The following MRTFA variants were observed in gnomAD, a reference collection of about 807,000 sequenced individuals.
MRTFA encodes the protein myocardin-related transcription factor A.
A neutral mutation model predicts 83.5 loss-of-function variants in MRTFA; 20 were observed. That is an observed-to-expected ratio of 0.24 (90% CI 0.17 to 0.35). The LOEUF (loss-of-function observed/expected upper bound fraction) is 0.35. Ranked by LOEUF, MRTFA falls within the 10% of genes least tolerant of loss-of-function variation. The pLI is 1.00. For missense variants in MRTFA, 1,200 were observed against 1,224.7 expected (o/e 0.98, Z 0.30); for synonymous variants, 659 against 541.2 (o/e 1.22, Z -3.02).
intron 3 of MRTFA, among the ~76,000 whole-genome samples, chr22:40,540,261 G>C (rs1044082735): frequency 1.2e-4 from 19 of 152,122 alleles, no homozygotes; most frequent in Non-Finnish European, 2.8e-4. Context: ...GTGTGTACTT[G>C]AGCACTGTGC....
intron 1 of MRTFA, among the ~76,000 whole-genome samples, chr22:40,631,573 T>C (rs1004575648): frequency 1.1e-4 from 16 of 152,336 alleles, no homozygotes; most frequent in South Asian, 8.3e-4. Flanking sequence ...TAACTACTTA[T>C]GCTGTGTAAC....
At chr22:40,473,967 G>C (rs995548306) in intron 3 of MRTFA, among the ~76,000 whole-genome samples, 2 of 152,118 alleles carry the variant, frequency 1.3e-5, no homozygotes, top group African/African-American at 4.8e-5. Context: ...CTGCTGCCTG[G>C]GTTACTTTCC....
intron 3 of MRTFA, among the ~76,000 whole-genome samples, chr22:40,542,669 G>A (rs1189717241): frequency 6.6e-6 from 1 of 152,144 alleles, no homozygotes; most frequent in African/African-American, 2.4e-5. Flanking sequence ...AAATATTAAT[G>A]TAAGTGTGAA....
chr22:40,436,135 T>C (rs746753042), intron 4 of MRTFA, among the ~76,000 whole-genome samples: 9 of 152,052 alleles, frequency 5.9e-5, no homozygotes, highest in Admixed American at 1.3e-4. Flanking sequence ...ACCCATGGAA[T>C]GTAACTTTAA....
At chr22:40,463,040 A>C (rs750614492) in intron 4 of MRTFA, among the ~76,000 whole-genome samples, 181 bp downstream of exon 4, 4 of 152,054 alleles carry the variant, frequency 2.6e-5, no homozygotes, top group Non-Finnish European at 2.9e-5. Context: ...GAACTTGATC[A>C]ATTAGTTATC....
chr22:40,583,793 GC>G (rs1325999591), intron 2 of MRTFA, among the ~76,000 whole-genome samples: 2 of 152,076 alleles, frequency 1.3e-5, no homozygotes, highest in Non-Finnish European at 2.9e-5. Context: ...CCAAAACCTT[GC>G]CCCCCTGCCT....
At chr22:40,474,425 G>C (rs2053960488) in intron 3 of MRTFA, among the ~76,000 whole-genome samples, 1 of 152,178 alleles carries the variant, frequency 6.6e-6, no homozygotes, top group African/African-American at 2.4e-5. Context: ...TCTTTGAAAA[G>C]TAGAGATTTC....
intron 2 of MRTFA, chr22:40,586,896 G>T: frequency 2.3e-6 from 1 of 430,948 alleles, no homozygotes. Flanking sequence ...TGCTGCTGGT[G>T]CTGCTGGTGC....
chr22:40,491,613 G>A (rs1379554037), intron 3 of MRTFA, among the ~76,000 whole-genome samples: 1 of 152,162 alleles, frequency 6.6e-6, no homozygotes, highest in African/African-American at 2.4e-5. Flanking sequence ...TAAGGCCAAA[G>A]TGCATTTTAT....
At position 40,424,218 on chromosome 22, in the gene MRTFA, T is replaced by A. The variant is rs780792890; in HGVS notation, c.765A>T (p.Ala255=). ...AGCACACACTCACCTGGGTGGGGGA[T>A]GCAGAGGTGGCACTGAGCAGTGGTT... The change falls in exon 8 of 15, where the codon GCA becomes GCT. Residue 255 remains alanine (A), a synonymous_variant. Coordinates refer to ENST00000355630, the MANE Select transcript of MRTFA (RefSeq NM_020831.6). The A allele has an allele frequency of 6.3e-7, 1 of 1,599,752 alleles. No homozygotes were observed. Among genetic ancestry groups the A allele is most frequent in the Admixed American group, 1.8e-5 (1 of 56,348 alleles).
chr22:40,445,234 A>G (rs2053353329), intron 4 of MRTFA, among the ~76,000 whole-genome samples: 1 of 152,166 alleles, frequency 6.6e-6, no homozygotes, highest in Non-Finnish European at 1.5e-5. Context: ...TATAACTCTG[A>G]CCTAGATTGA....
At chr22:40,531,308 T>C (rs2055077766) in intron 3 of MRTFA, among the ~76,000 whole-genome samples, 1 of 149,274 alleles carries the variant, frequency 6.7e-6, no homozygotes, top group Non-Finnish European at 1.5e-5. Flanking sequence ...AGATGGGTCT[T>C]GAACTCTTGG....
At chr22:40,514,615 A>C (rs2054725857) in intron 3 of MRTFA, among the ~76,000 whole-genome samples, 2 of 150,608 alleles carry the variant, frequency 1.3e-5, no homozygotes, top group Admixed American at 1.3e-4. Flanking sequence ...CTGGGATTAT[A>C]GATGCAAGCC....
chr22:40,536,367 C>A (rs1171099023), intron 3 of MRTFA, among the ~76,000 whole-genome samples: 66 of 145,146 alleles, frequency 4.5e-4, no homozygotes, highest in Non-Finnish European at 8.8e-4. Flanking sequence ...GTTCAGCGGG[C>A]AGCGGAGCTG....
intron 2 of MRTFA, among the ~76,000 whole-genome samples, chr22:40,559,802 C>A (rs868096048): frequency 6.6e-6 from 1 of 152,192 alleles, no homozygotes; most frequent in African/African-American, 2.4e-5. Context: ...TCAAATTCTA[C>A]AGACCTGAAC....
intron 4 of MRTFA, among the ~76,000 whole-genome samples, chr22:40,458,446 A>G (rs1045606354): frequency 6.6e-6 from 1 of 152,168 alleles, no homozygotes; most frequent in Non-Finnish European, 1.5e-5. Context: ...CTTTATGGAA[A>G]GGTCAGACCC....
chr22:40,424,084 G>T, intron 8 of MRTFA, 122 bp downstream of exon 8: 2 of 1,116,384 alleles, frequency 1.8e-6, no homozygotes, highest in Non-Finnish European at 2.5e-6. Context: ...AGCAACTAGG[G>T]TAGCATCCCC....
chr22:40,467,243 A>G (rs2053825751), intron 3 of MRTFA, among the ~76,000 whole-genome samples: 2 of 152,208 alleles, frequency 1.3e-5, no homozygotes, highest in Non-Finnish European at 2.9e-5. Context: ...TATGCACTGC[A>G]TAACCTTCAA....
Position 40,620,423 on chromosome 22 carries a change from C to CTTTTTTTTTTT in MRTFA, c.-84+16044_-84+16054dup, listed in dbSNP as rs747409456. Among the ~76,000 whole-genome samples, 97 of 94,190 alleles carry CTTTTTTTTTTT rather than the reference C, an allele frequency of 1.0e-3. 1 individual carries two copies. The highest frequency in any genetic ancestry group is 1.1e-3 in the African/African-American group (26 of 22,772). The allele number at this position is 94,190 out of a possible 152,430, so 61.8% of individuals were successfully genotyped here. On this transcript the variant is annotated intron_variant, in intron 1 of 14. Coordinates refer to ENST00000355630, the MANE Select transcript of MRTFA (RefSeq NM_020831.6). ...ACAGGCGTGAGCCACAACATGCAGT[C>CTTTTTTTTTTT]TTTTTTTTTTTTTTTTTTTTTTGTA... is the stretch of plus-strand genomic sequence containing the variant.
Sources: allele counts gnomAD v4.1 joint callset (sites outside exome capture counted in the v4.1 genomes callset), GRCh38; gene constraint gnomAD v4.1.1; transcripts MANE v1.5; gene names NCBI Gene and HGNC (gene_info 2026-07-23, HGNC 2026-07-21).